The following WDFY4 variants were observed in gnomAD, a reference collection of about 807,000 sequenced individuals.
WDFY4 encodes the protein WDFY family member 4.
A neutral mutation model predicts 351.9 loss-of-function variants in WDFY4; 169 were observed. That is an observed-to-expected ratio of 0.48 (90% confidence interval 0.42 to 0.55). The LOEUF is 0.55. Ranked by LOEUF, WDFY4 falls within the 20% of genes least tolerant of loss-of-function variation. The pLI is 0.00. For synonymous variants in WDFY4, 1,622 were observed against 1,574.6 expected (o/e 1.03, Z -0.71); for missense variants, 3,803 against 3,935.6 (o/e 0.97, Z 0.90).
chr10:48,787,861 C>T (rs11101480), intron 20 of WDFY4, among the ~76,000 whole-genome samples: 3 of 117,766 alleles, frequency 2.5e-5, no homozygotes, highest in African/African-American at 1.2e-4. Context: ...CTTCTTCTTT[C>T]TTCTTCTTTC....
chr10:48,799,874 G>A (rs1319669427), intron 24 of WDFY4, among the ~76,000 whole-genome samples: 2 of 152,112 alleles, frequency 1.3e-5, no homozygotes, highest in Non-Finnish European at 2.9e-5. Flanking sequence ...CAGAACTTTT[G>A]GTTTTGGGTT....
chr10:48,835,586 A>G (rs1564402326), intron 39 of WDFY4, among the ~76,000 whole-genome samples: 1 of 152,238 alleles, frequency 6.6e-6, no homozygotes, highest in Non-Finnish European at 1.5e-5. Flanking sequence ...CAAGAAGAGC[A>G]GAAATTTTGC....
At position 48,817,288 on chromosome 10, in the gene WDFY4, C is replaced by T. The variant is rs766854089; in HGVS notation, c.5384C>T (p.Pro1795Leu). 40 of 1,551,600 alleles carry T rather than the reference C, an allele frequency of 2.6e-5. 1 individual carries two copies. The highest frequency in any genetic ancestry group is 2.3e-4 in the South Asian group (19 of 84,066). The change falls in exon 32 of 62, where the codon CCG becomes CTG. Residue 1795 changes from proline (P) to leucine (L), a missense_variant. Transcript: ENST00000325239. ...GATGGTGCCTGGGCACAGACCTTCCCGGCCAGCGTGCTGCAGTTCCTCAGC... is the reference window on the plus strand; with the variant it reads ...GATGGTGCCTGGGCACAGACCTTCCTGGCCAGCGTGCTGCAGTTCCTCAGC... Reference protein sequence around the residue: ...SEDGAWAQTFPASVLQFLSLV... With the variant: ...SEDGAWAQTFLASVLQFLSLV...
chr10:48,768,755 G>A (rs2065764037), intron 13 of WDFY4, among the ~76,000 whole-genome samples: 1 of 150,492 alleles, frequency 6.6e-6, no homozygotes, highest in Admixed American at 6.6e-5. Flanking sequence ...GAGAGAGAGA[G>A]AACCAGCCAT....
intron 40 of WDFY4, among the ~76,000 whole-genome samples, chr10:48,870,013 T>C (rs897031720): frequency 6.6e-6 from 1 of 152,236 alleles, no homozygotes; most frequent in African/African-American, 2.4e-5. Context: ...AGTTCCGTGC[T>C]CTGCTTCCTC....
chr10:48,797,033 G>C (rs373659063), intron 24 of WDFY4, among the ~76,000 whole-genome samples: 3 of 152,292 alleles, frequency 2.0e-5, no homozygotes, highest in Admixed American at 6.5e-5. Flanking sequence ...AGCCAGATGG[G>C]ACTGGGACAT....
chr10:48,972,726 T>C (rs1009777592), intron 57 of WDFY4, among the ~76,000 whole-genome samples: 39 of 152,246 alleles, frequency 2.6e-4, no homozygotes, highest in Admixed American at 5.9e-4. Flanking sequence ...AGGAGAATTA[T>C]GTACAGTGAC....
intron 35 of WDFY4, among the ~76,000 whole-genome samples, chr10:48,824,641 AT>A (rs930038292): frequency 2.6e-5 from 4 of 151,510 alleles, no homozygotes; most frequent in South Asian, 2.1e-4. Context: ...GGTCATGTCA[AT>A]TTTTTTTTAA....
At chr10:48,796,879 A>G (rs1565209676) in intron 24 of WDFY4, among the ~76,000 whole-genome samples, 1 of 152,220 alleles carries the variant, frequency 6.6e-6, no homozygotes. Flanking sequence ...GCAGAAGGAC[A>G]CGCCTGAGGC....
Position 48,970,285 on chromosome 10 carries a change from G to A in WDFY4, c.8924G>A (p.Arg2975Gln), listed in dbSNP as rs148300181. ...TKGRPRGLRL[R>Q]QALYGHTQAV... ...GGCCGCCCGAGGGGCTTGCGCCTCC[G>A]GCAGGTATGGTCCAGCTCGTGCAGG... Residue 2975 changes from arginine (R) to glutamine (Q), a missense_variant, in exon 57 of 62, where the codon CGG (arginine) becomes CAG (glutamine). By Grantham distance (43) the Arg-to-Gln change is conservative. This residue lies in a region of WDFY4 where 3,054 missense variants were observed against 3,148.6 expected (regional missense o/e 0.97). Transcript: ENST00000325239. 2.3e-5 allele frequency: 35 copies of A among 1,550,410 alleles called. No homozygotes were observed. The highest frequency in any genetic ancestry group is 1.7e-4 in the Middle Eastern group (1 of 5,992).
intron 13 of WDFY4, among the ~76,000 whole-genome samples, chr10:48,763,646 C>G (rs2065581119): frequency 6.6e-6 from 1 of 152,200 alleles, no homozygotes; most frequent in Admixed American, 6.5e-5. Flanking sequence ...CTTTGCTTAT[C>G]CTATGACAGT....
chr10:48,975,711 T>C (rs1842538468), intron 58 of WDFY4, among the ~76,000 whole-genome samples: 1 of 152,152 alleles, frequency 6.6e-6, no homozygotes, highest in East Asian at 1.9e-4. Flanking sequence ...GGAGTGTGAA[T>C]GGATGGGTGG....
chr10:48,814,034 A>C lies in WDFY4; in HGVS notation c.5292A>C (p.Thr1764=). 6.4e-7 allele frequency: 1 copy of C among 1,550,644 alleles called. No individual in the cohort carries two copies. The highest frequency in any genetic ancestry group is 8.7e-7 in the Non-Finnish European group (1 of 1,146,284). ...QEEVLQAGLC[T]EGALLLLEML... ...AAGTCCTCCAGGCTGGGCTGTGCAC[A>C]GAAGGTGCCTTGCTCCTCCTGGAAA... The change falls in exon 31 of 62, where the codon ACA becomes ACC. Residue 1764 remains threonine, a synonymous_variant. Coordinates refer to ENST00000325239, the MANE Select transcript of WDFY4 (RefSeq NM_001394531.1).
intron 12 of WDFY4, among the ~76,000 whole-genome samples, chr10:48,747,052 T>G (rs2065036428): frequency 6.6e-6 from 1 of 152,242 alleles, no homozygotes; most frequent in Non-Finnish European, 1.5e-5. Flanking sequence ...TCCTGTAGTG[T>G]GGGTCTATTT....
rs182374874 is a variant in WDFY4, at chr10:48,956,895, C to T, written c.7978-234C>T. On this transcript the variant is annotated intron_variant, in intron 51 of 61. Coordinates refer to ENST00000325239, the MANE Select transcript of WDFY4 (RefSeq NM_001394531.1). The stretch of plus-strand genomic sequence containing the variant: ...GGAGGGAAACATGGATTGATTAACA[C>T]GGATCATGCATTCTGCCTTGAAGCT... Among the ~76,000 whole-genome samples, 349 of 152,318 alleles carry T rather than the reference C, an allele frequency of 2.3e-3. 1 individual carries two copies. The highest frequency in any genetic ancestry group is 8.0e-3 in the African/African-American group (333 of 41,572).
chr10:48,872,631 T>C (rs948585209), intron 40 of WDFY4, among the ~76,000 whole-genome samples: 8 of 152,200 alleles, frequency 5.3e-5, no homozygotes, highest in African/African-American at 1.9e-4. Context: ...CCTGCAAAGT[T>C]GACTCTACTG....
At chr10:48,750,314 C>A (rs1326648812) in intron 12 of WDFY4, among the ~76,000 whole-genome samples, 2 of 152,228 alleles carry the variant, frequency 1.3e-5, no homozygotes, top group Non-Finnish European at 2.9e-5. Flanking sequence ...AGTGCTTTCC[C>A]ATGATTCCCA....
At chr10:48,879,714 G>A (rs1401560960) in intron 43 of WDFY4, among the ~76,000 whole-genome samples, 1 of 152,144 alleles carries the variant, frequency 6.6e-6, no homozygotes, top group East Asian at 1.9e-4. Flanking sequence ...CAGAATCCAC[G>A]TTCCTGCTTC....
intron 44 of WDFY4, 148 bp downstream of exon 44, chr10:48,890,875 G>T (rs1423235204): frequency 8.8e-7 from 1 of 1,135,282 alleles, no homozygotes; most frequent in Non-Finnish European, 1.2e-6. Flanking sequence ...AGAAGGACCT[G>T]CAGGCATAGG....
Sources: allele counts gnomAD v4.1 joint callset (sites outside exome capture counted in the v4.1 genomes callset), GRCh38; gene constraint gnomAD v4.1.1; regional missense constraint gnomAD v4.1.1; transcripts MANE v1.5; gene names NCBI Gene and HGNC (gene_info 2026-07-23, HGNC 2026-07-21).